Variants in PTGER3 observed in about 807,000 individuals in gnomAD.
The protein encoded by PTGER3 is prostaglandin E receptor 3, also known as prostaglandin E2 receptor EP3 subtype.
A neutral mutation model predicts 34.7 loss-of-function variants in PTGER3; 22 were observed. The ratio of observed to expected loss-of-function variants is 0.63; its 90% CI spans 0.45 to 0.91. PTGER3 has a LOEUF of 0.91. Among genes scored for constraint, PTGER3 ranks in the 40% least tolerant of loss-of-function variants. The pLI is 0.00. For missense variants in PTGER3, 468 were observed against 519.4 expected, an observed-to-expected ratio of 0.90 and a Z score of 0.96; for synonymous variants, 241 against 230.1, an observed-to-expected ratio of 1.05 and a Z score of -0.43.
intron 4 of PTGER3, among the ~76,000 whole-genome samples, chr1:70,921,280 C>T (rs1262258750): frequency 2.0e-5 from 3 of 151,972 alleles, no homozygotes; most frequent in Admixed American, 1.3e-4. Context: ...AGGAGAAAAC[C>T]GACAAGTGGC....
intron 1 of PTGER3, among the ~76,000 whole-genome samples, chr1:71,025,163 T>TC (rs745954640): frequency 0.11 from 16,141 of 146,926 alleles, 1,058 homozygotes; most frequent in Middle Eastern, 0.19. Context: ...CTTCCTTCCT[T>TC]CTTTCCTTCC....
Position 71,047,567 on chromosome 1 carries a change from G to T in PTGER3, c.11C>A (p.Thr4Asn). The T allele has an allele frequency of 6.5e-7, 1 of 1,549,796 alleles. No homozygotes were observed. Among genetic ancestry groups the T allele is most frequent in the Non-Finnish European group, 8.7e-7 (1 of 1,143,364 alleles). The change falls in exon 1 of 4, where the codon ACC (threonine) becomes AAC (asparagine). Residue 4 changes from threonine (T) to asparagine (N), a missense_variant. Around this residue, in one of 5 missense-constraint regions of PTGER3, gnomAD observed 151 missense variants for 133.5 expected, o/e 1.13. Coordinates refer to ENST00000306666, the MANE Select transcript of PTGER3 (RefSeq NM_198719.2). ...GGGGGCATCCCCTCCGTAGCCCCGG[G>T]TCTCCTTCATGTTGGCTTCGAGGTG... MKE[T>N]RGYGGDAPFC...
chr1:70,914,420 CCTG>C (rs370412189), intron 4 of PTGER3, among the ~76,000 whole-genome samples: 1 of 151,916 alleles, frequency 6.6e-6, no homozygotes, highest in African/African-American at 2.4e-5. Flanking sequence ...CAACCTCATT[CCTG>C]CTATCAATGA....
intron 4 of PTGER3, among the ~76,000 whole-genome samples, chr1:70,931,940 T>A (rs1648744631): frequency 6.6e-6 from 1 of 152,314 alleles, no homozygotes; most frequent in Admixed American, 6.5e-5. Flanking sequence ...GTTTTTCTTT[T>A]CTACTGCATT....
At chr1:70,870,923 C>G (rs563079620) in intron 4 of PTGER3, among the ~76,000 whole-genome samples, 1 of 152,174 alleles carries the variant, frequency 6.6e-6, no homozygotes, top group African/African-American at 2.4e-5. Context: ...ATCTTCCTGT[C>G]GTCTTCTTCT....
intron 4 of PTGER3, chr1:70,865,569 A>C: frequency 1.6e-5 from 19 of 1,183,910 alleles, no homozygotes; most frequent in Non-Finnish European, 2.0e-5. Context: ...GGCCACAAAA[A>C]GATAGGTGGG....
At chr1:70,999,288 G>A (rs1313774864) in intron 2 of PTGER3, among the ~76,000 whole-genome samples, 10 of 152,142 alleles carry the variant, frequency 6.6e-5, no homozygotes, top group Admixed American at 6.5e-5. Context: ...GTTTGGAGAC[G>A]CTGAGATTTT....
At chr1:70,916,684 C>T (rs542612267) in intron 4 of PTGER3, among the ~76,000 whole-genome samples, 4 of 152,000 alleles carry the variant, frequency 2.6e-5, no homozygotes, top group South Asian at 2.1e-4. Context: ...TGAGTACACA[C>T]GGACATAAAT....
At chr1:71,001,847 T>C (rs72671031) in intron 2 of PTGER3, among the ~76,000 whole-genome samples, 1 of 152,348 alleles carries the variant, frequency 6.6e-6, no homozygotes, top group Non-Finnish European at 1.5e-5. Flanking sequence ...TGCCCAATAC[T>C]AAACTGGGAA....
intron 4 of PTGER3, among the ~76,000 whole-genome samples, chr1:70,883,633 T>A (rs1646438151): frequency 6.6e-6 from 1 of 152,226 alleles, no homozygotes; most frequent in Non-Finnish European, 1.5e-5. Context: ...TGACCTGTTA[T>A]TATAAAACGT....
intron 4 of PTGER3, among the ~76,000 whole-genome samples, chr1:70,900,094 T>C (rs1646804486): frequency 6.6e-6 from 1 of 152,218 alleles, no homozygotes; most frequent in Admixed American, 6.5e-5. Flanking sequence ...TTCTTCCTTA[T>C]TTTCTTCAGC....
intron 4 of PTGER3, among the ~76,000 whole-genome samples, chr1:70,944,495 A>T (rs939354274): frequency 1.3e-5 from 2 of 152,180 alleles, no homozygotes; most frequent in African/African-American, 4.8e-5. Context: ...ACCAAGGTCC[A>T]TGCATTTCTG....
chr1:71,021,690 A>G (rs1658434641), intron 1 of PTGER3, among the ~76,000 whole-genome samples: 1 of 151,804 alleles, frequency 6.6e-6, no homozygotes, highest in African/African-American at 2.4e-5. Context: ...ACTCTCATCC[A>G]TTCAGAAAAT....
intron 4 of PTGER3, among the ~76,000 whole-genome samples, chr1:70,882,222 T>C (rs888522909): frequency 6.6e-6 from 1 of 151,740 alleles, no homozygotes; most frequent in Admixed American, 6.6e-5. Context: ...ACCATTGGCA[T>C]GGGTGTGTGG....
intron 4 of PTGER3, among the ~76,000 whole-genome samples, chr1:70,900,931 G>A (rs892177663): frequency 6.6e-6 from 1 of 152,148 alleles, no homozygotes; most frequent in African/African-American, 2.4e-5. Flanking sequence ...TGATGGACCA[G>A]TAGGAGGAAA....
chr1:70,942,923 ACTTTTCACCTCCAAGAC>A (rs2100550597), intron 4 of PTGER3, among the ~76,000 whole-genome samples: 1 of 152,274 alleles, frequency 6.6e-6, no homozygotes, highest in African/African-American at 2.4e-5. Flanking sequence ...TTGATTTTAG[ACTTTTCACCTCCAAGAC>A]TGTGGGAATA....
At chr1:70,963,670 G>A (rs1652196187) in intron 2 of PTGER3, among the ~76,000 whole-genome samples, 1 of 152,124 alleles carries the variant, frequency 6.6e-6, no homozygotes, top group Admixed American at 6.5e-5. Context: ...CACAGCAGGG[G>A]GACCCAGGAA....
At chr1:70,869,399 A>G in intron 4 of PTGER3, 1 of 400,406 alleles carries the variant, frequency 2.5e-6, no homozygotes, top group Non-Finnish European at 5.0e-6. Flanking sequence ...CCTCTTCTCC[A>G]CCCCTAAATC....
At chr1:70,854,293 A>G (rs569968759) in intron 4 of PTGER3, among the ~76,000 whole-genome samples, 40 of 152,284 alleles carry the variant, frequency 2.6e-4, no homozygotes, top group African/African-American at 9.4e-4. Context: ...TAGCCTAGTT[A>G]AAAAAATGGG....
Sources: gnomAD v4.1 joint callset for allele counts (sites outside exome capture counted in the v4.1 genomes callset) on GRCh38, gnomAD v4.1.1 for gene constraint, gnomAD v4.1.1 regional missense constraint, MANE v1.5 for transcripts, NCBI Gene and HGNC (gene_info 2026-07-23, HGNC 2026-07-21) for gene names.